The following CHUK variants were observed in gnomAD, a reference collection of about 807,000 sequenced individuals.
The protein encoded by CHUK is component of inhibitor of nuclear factor kappa B kinase complex.
CHUK carries 35 observed loss-of-function variants against 104.8 expected under a neutral mutation model. The ratio of observed to expected loss-of-function variants is 0.33; its 90% CI spans 0.26 to 0.44. The LOEUF (loss-of-function observed/expected upper bound fraction) is 0.44. Among genes scored for constraint, CHUK ranks in the 20% least tolerant of loss-of-function variants. CHUK has a pLI of 1.00. For missense variants in CHUK, 663 were observed against 902.7 expected, an observed-to-expected ratio of 0.73 and a Z score of 3.40; for synonymous variants, 276 against 291.9, an observed-to-expected ratio of 0.95 and a Z score of 0.56.
chr10:100,209,743 A>C lies in CHUK; in HGVS notation c.980T>G (p.Leu327Arg). 1 of 1,548,922 alleles carries C rather than the reference A, an allele frequency of 6.5e-7. No homozygotes were observed. Among genetic ancestry groups the C allele is most frequent in the Non-Finnish European group, 8.9e-7 (1 of 1,120,772 alleles). ...ATGAAGACTTTCATCAGGTGGTAAC[A>C]GAAAAGAAATTATCTTTGCAGAAGT... is the stretch of plus-strand genomic sequence containing the variant. ...NMTSAKIISF[L>R]LPPDESLHSL... Residue 327 changes from leucine (L) to arginine (R), a missense_variant, in exon 10 of 21, where the codon CTG (leucine) becomes CGG (arginine). Leu to Arg is a moderately radical substitution (Grantham distance 102). This residue lies in a region of CHUK where 93 missense variants were observed against 95.9 expected (regional missense o/e 0.97). Transcript: ENST00000370397.
At position 100,188,612 on chromosome 10, in the gene CHUK, C is replaced by CCT. The variant is rs1239198783; in HGVS notation, c.*984_*985dup. ...ACCACAGTCTGTGGCAGCAGCCCTC[C>CCT]CTCTCATCATCAAGCAGCAAAATAA... On this transcript the variant is annotated 3_prime_UTR_variant, in exon 21 of 21. Transcript: ENST00000370397. 1 of 152,490 alleles carries CCT rather than the reference C, an allele frequency of 6.6e-6. No individual in the cohort carries two copies. Among genetic ancestry groups the CCT allele is most frequent in the African/African-American group, 2.4e-5 (1 of 41,388 alleles). The allele number at this position is 152,490 out of a possible 1,614,324, so 9.4% of individuals were successfully genotyped here.
chr10:100,198,214 T>C (rs1258815018), intron 16 of CHUK, among the ~76,000 whole-genome samples: 2 of 152,168 alleles, frequency 1.3e-5, no homozygotes, highest in African/African-American at 4.8e-5. Context: ...GTATCTTCCC[T>C]GAAAGAGGCC....
At chr10:100,199,282 C>G (rs79793447) in intron 16 of CHUK, among the ~76,000 whole-genome samples, 1,866 of 152,240 alleles carry the variant, frequency 0.012, 40 homozygotes, top group East Asian at 0.036. Flanking sequence ...TCTAACCATT[C>G]CATACCTGAA....
At chr10:100,192,750 A>C (rs774450299) in intron 19 of CHUK, 58 of 987,350 alleles carry the variant, frequency 5.9e-5, no homozygotes, top group Non-Finnish European at 6.6e-5. Context: ...AGTAGGAATT[A>C]ATAAAATATA....
At chr10:100,223,467 C>A (rs1339988229) in intron 2 of CHUK, among the ~76,000 whole-genome samples, 2 of 152,120 alleles carry the variant, frequency 1.3e-5, no homozygotes, top group East Asian at 3.9e-4. Context: ...AGTGAGACCT[C>A]ATCTCTACAA....
intron 10 of CHUK, among the ~76,000 whole-genome samples, chr10:100,209,235 C>G (rs763892332): frequency 3.3e-5 from 5 of 152,168 alleles, no homozygotes; most frequent in Non-Finnish European, 5.9e-5. Flanking sequence ...TTGAGTTGGT[C>G]TGGCGGTAAT....
chr10:100,206,647 T>C (rs970895959), intron 11 of CHUK, among the ~76,000 whole-genome samples: 4 of 152,222 alleles, frequency 2.6e-5, no homozygotes, highest in African/African-American at 9.6e-5. Flanking sequence ...ATATGATCTG[T>C]GAATTTCACT....
rs1845821544 is a variant in CHUK, at chr10:100,215,090, C to T, written c.933+2905G>A. Among the ~76,000 whole-genome samples, 2 of 151,854 alleles carry T rather than the reference C, an allele frequency of 1.3e-5. 1 individual carries two copies. Among genetic ancestry groups the T allele is most frequent in the South Asian group, 4.2e-4 (2 of 4,818 alleles). On this transcript the variant is annotated intron_variant, in intron 9 of 20. Coordinates refer to ENST00000370397, the MANE Select transcript of CHUK (RefSeq NM_001278.5). ...TTTCTACCAAAAATATAAAAATTAG[C>T]TGGACACGGTGGCAGGCACCTGTAA...
Position 100,197,719 on chromosome 10 carries a change from A to G in CHUK, c.1729+2252T>C, listed in dbSNP as rs533477641. On this transcript the variant is annotated intron_variant, in intron 16 of 20. Coordinates refer to ENST00000370397, the MANE Select transcript of CHUK (RefSeq NM_001278.5). ...AAGTGCTATACATACATGTGTCTAC[A>G]CAGTATACTCATATCTACGAGAGCC... Among the ~76,000 whole-genome samples the G allele has an allele frequency of 2.6e-4, 40 of 152,256 alleles. 2 individuals carry two copies. Among genetic ancestry groups the G allele is most frequent in the South Asian group, 1.9e-3 (9 of 4,824 alleles).
chr10:100,205,282 T>C, intron 11 of CHUK, 83 bp from the exon 12 acceptor site: 1 of 1,406,188 alleles, frequency 7.1e-7, no homozygotes, highest in East Asian at 2.3e-5. Flanking sequence ...TTCTTTGTGA[T>C]TTCCTGTCCA....
intron 1 of CHUK, 53 bp downstream of exon 1, chr10:100,229,375 C>G (rs1229788981): frequency 3.7e-6 from 5 of 1,366,448 alleles, no homozygotes; most frequent in Non-Finnish European, 5.2e-6. Context: ...CACAGACGCT[C>G]AAACCCACCG....
intron 19 of CHUK, chr10:100,193,009 C>A: frequency 2.5e-6 from 1 of 400,918 alleles, no homozygotes; most frequent in Non-Finnish European, 4.6e-6. Flanking sequence ...TAATAATAAG[C>A]AACATTTGAG....
At chr10:100,187,154 G>C (rs1034214478), downstream of CHUK, 2 of 152,238 alleles carry the variant, frequency 1.3e-5, no homozygotes, top group African/African-American at 4.8e-5. Flanking sequence ...CAGGGCTTGG[G>C]GACCCCTGCC....
In CHUK at chr10:100,194,070, T is replaced by C. The variant is rs1193345140; in HGVS notation, c.1888A>G (p.Ser630Gly). 1.7e-5 allele frequency: 28 copies of C among 1,613,708 alleles called. No individual in the cohort carries two copies. Among genetic ancestry groups the C allele is most frequent in the Non-Finnish European group, 2.3e-5 (27 of 1,179,662 alleles). The change falls in exon 18 of 21, where the codon AGT (serine) becomes GGT (glycine). Residue 630 changes from serine to glycine, a missense_variant. Physicochemically the swap from Ser to Gly is moderately conservative, Grantham distance 56 (BLOSUM62 0). Coordinates refer to ENST00000370397, the MANE Select transcript of CHUK (RefSeq NM_001278.5). Reference protein sequence around the residue: ...DLLPKVEVALSNIKEADNTVM... With the variant: ...DLLPKVEVALGNIKEADNTVM... ...GTATTGTCAGCTTCTTTGATATTAC[T>C]GAGGGCCACTTCCACCTTAGGGAGT...
At chr10:100,201,145 C>T (rs113021762) in intron 14 of CHUK, among the ~76,000 whole-genome samples, 8 of 152,164 alleles carry the variant, frequency 5.3e-5, no homozygotes, top group Middle Eastern at 3.2e-3. Flanking sequence ...TGACTGCCCC[C>T]TGGTCCCCAC....
intron 13 of CHUK, among the ~76,000 whole-genome samples, chr10:100,202,467 G>A (rs11190423): frequency 0.037 from 5,657 of 152,308 alleles, 284 homozygotes; most frequent in East Asian, 0.27. Context: ...GAGACAGATT[G>A]AGGTGCTGCA....
intron 11 of CHUK, among the ~76,000 whole-genome samples, chr10:100,205,862 G>A (rs1285129853): frequency 3.9e-5 from 6 of 152,080 alleles, no homozygotes; most frequent in Admixed American, 1.3e-4. Context: ...CGGGAGGTGG[G>A]GGTTGCAGTG....
chr10:100,186,342 G>T (rs1844992624), downstream of CHUK: 1 of 301,146 alleles, frequency 3.3e-6, no homozygotes, highest in Admixed American at 5.1e-5. Flanking sequence ...CGGTTTATTT[G>T]TCCTTTTGCA....
intron 9 of CHUK, among the ~76,000 whole-genome samples, chr10:100,216,506 C>T (rs895067954): frequency 1.3e-5 from 2 of 152,124 alleles, no homozygotes; most frequent in African/African-American, 2.4e-5. Flanking sequence ...GAGTTCAAAA[C>T]CAACCTGCTC....
Sources: allele counts gnomAD v4.1 joint callset (sites outside exome capture counted in the v4.1 genomes callset), GRCh38; gene constraint gnomAD v4.1.1; regional missense constraint gnomAD v4.1.1; transcripts MANE v1.5; gene names NCBI Gene and HGNC (gene_info 2026-07-23, HGNC 2026-07-21).